PBRM1: variants seen among roughly 807,000 people sequenced by gnomAD.
PBRM1 encodes the protein protein polybromo-1.
In PBRM1, 27 loss-of-function variants were observed where a neutral mutation model predicts 194.5. The observed-to-expected ratio is 0.14, with a 90% CI of 0.10 to 0.19. The LOEUF is 0.19. Among genes scored for constraint, PBRM1 ranks in the 10% least tolerant of loss-of-function variants. The pLI, the probability that PBRM1 is intolerant of heterozygous loss-of-function variation, is 1.00. For missense variants in PBRM1, 1,466 were observed against 2,077.2 expected, an observed-to-expected ratio of 0.71 and a Z score of 5.72; for synonymous variants, 655 against 693.2, an observed-to-expected ratio of 0.94 and a Z score of 0.87.
rs145038851 is a variant in PBRM1 at position 52,663,248 on chromosome 3, CT to C, written c.385-973del. Among the ~76,000 whole-genome samples, 146 of 152,294 alleles carry C rather than the reference CT, an allele frequency of 9.6e-4. 1 individual carries two copies. Among genetic ancestry groups the C allele is most frequent in the African/African-American group, 3.4e-3 (140 of 41,578 alleles). Reference sequence around the variant, plus strand: ...AACCAAGCTTTCATTTCCAAGGCTTCTCTGGGCAGCGAGGAGGGAAGACAAA... The same window carrying C: ...AACCAAGCTTTCATTTCCAAGGCTTCCTGGGCAGCGAGGAGGGAAGACAAA... On this transcript the variant is annotated intron_variant, in intron 3 of 29. Transcript: ENST00000296302.
intron 5 of PBRM1, among the ~76,000 whole-genome samples, chr3:52,655,171 T>A (rs796684365): frequency 5.9e-5 from 9 of 152,282 alleles, no homozygotes; most frequent in African/African-American, 2.2e-4. Flanking sequence ...CAACTATCAC[T>A]GACATCCACC....
At chr3:52,630,261 A>G (rs1323709984) in intron 11 of PBRM1, among the ~76,000 whole-genome samples, 1 of 152,214 alleles carries the variant, frequency 6.6e-6, no homozygotes, top group Non-Finnish European at 1.5e-5. Flanking sequence ...AGAAGGTAGC[A>G]TATGGAGTCC....
chr3:52,627,286 C>T (rs2153578342), exon 13 of PBRM1: 1 of 1,599,998 alleles, frequency 6.3e-7, no homozygotes. Context: ...TTTCTTTTGG[C>T]ACTACCAGTA....
chr3:52,549,419 G>A (rs1043810264), intron 29 of PBRM1, among the ~76,000 whole-genome samples: 1 of 152,004 alleles, frequency 6.6e-6, no homozygotes, highest in Non-Finnish European at 1.5e-5. Context: ...GTCCACTTCA[G>A]CCTCCCAAAG....
chr3:52,632,756 T>C (rs960089811), intron 11 of PBRM1, among the ~76,000 whole-genome samples: 6 of 150,638 alleles, frequency 4.0e-5, no homozygotes, highest in Admixed American at 3.3e-4. Flanking sequence ...TGGTGCGACC[T>C]AGACTCACTG....
At chr3:52,642,281 T>C (rs1309202574) in intron 9 of PBRM1, among the ~76,000 whole-genome samples, 2 of 152,198 alleles carry the variant, frequency 1.3e-5, no homozygotes, top group Non-Finnish European at 1.5e-5. Context: ...TCACAGTTGC[T>C]GATAATTATC....
intron 16 of PBRM1, among the ~76,000 whole-genome samples, chr3:52,603,948 C>A (rs1326967411): frequency 6.6e-6 from 1 of 152,164 alleles, no homozygotes; most frequent in Non-Finnish European, 1.5e-5. Flanking sequence ...TACTTCAAGG[C>A]TCACTTCTTG....
At chr3:52,586,466 A>G (rs767093710) in exon 20 of PBRM1, 7 of 1,614,064 alleles carry the variant, frequency 4.3e-6, no homozygotes, top group Non-Finnish European at 5.9e-6. Context: ...CTGTCCTCTG[A>G]GTTGTCTGTA....
chr3:52,584,922 T>C (rs1291405780), intron 20 of PBRM1, among the ~76,000 whole-genome samples: 1 of 151,836 alleles, frequency 6.6e-6, no homozygotes. Context: ...CAAATATGAA[T>C]TTAAAAAAAA....
At chr3:52,611,047 T>C (rs1329150645) in intron 15 of PBRM1, among the ~76,000 whole-genome samples, 1 of 152,194 alleles carries the variant, frequency 6.6e-6, no homozygotes, top group Non-Finnish European at 1.5e-5. Flanking sequence ...CTGGTAGTTC[T>C]TAATAATACG....
chr3:52,643,834 T>C lies in PBRM1; in HGVS notation c.900-491A>G, dbSNP rs56245585. On this transcript the variant is annotated intron_variant, in intron 8 of 29. Coordinates refer to ENST00000296302, the Ensembl canonical transcript of PBRM1. ...AAAATACAAAAAGATTAGCCGGGCA[T>C]GGTGGTGTGTGCCTGAAGTCCCAGC... Among the ~76,000 whole-genome samples, 253 of 152,138 alleles carry C rather than the reference T, an allele frequency of 1.7e-3. 1 individual carries two copies. Among genetic ancestry groups the C allele is most frequent in the Non-Finnish European group, 1.4e-3 (98 of 67,990 alleles).
chr3:52,581,699 G>A (rs565398176), intron 20 of PBRM1, among the ~76,000 whole-genome samples: 6 of 150,834 alleles, frequency 4.0e-5, no homozygotes, highest in East Asian at 2.0e-4. Flanking sequence ...GTGCAGTGGC[G>A]CAATCCCGGC....
intron 17 of PBRM1, 27 bp downstream of exon 19, chr3:52,603,494 T>C: frequency 2.5e-6 from 4 of 1,577,622 alleles, no homozygotes; most frequent in Admixed American, 3.6e-5. Flanking sequence ...CATTTTTTCA[T>C]ATTCAATAAA....
At chr3:52,639,401 A>AT (rs1302875940) in intron 10 of PBRM1, among the ~76,000 whole-genome samples, 20 of 150,962 alleles carry the variant, frequency 1.3e-4, no homozygotes, top group Admixed American at 2.0e-4. Flanking sequence ...ATAACTTTTG[A>AT]TTTTATTGAT....
At chr3:52,569,063 C>CT (rs1049659680) in intron 22 of PBRM1, among the ~76,000 whole-genome samples, 6 of 151,908 alleles carry the variant, frequency 3.9e-5, no homozygotes, top group South Asian at 2.1e-4. Flanking sequence ...AATTTCTGTA[C>CT]TTTTTGTAGA....
intron 27 of PBRM1, among the ~76,000 whole-genome samples, chr3:52,554,309 G>A (rs537987866): frequency 2.0e-5 from 3 of 152,324 alleles, no homozygotes; most frequent in Non-Finnish European, 2.9e-5. Context: ...TGCACCAGAG[G>A]GAGAAATGCA....
intron 17 of PBRM1, among the ~76,000 whole-genome samples, chr3:52,599,635 C>G (rs2093841357): frequency 6.7e-6 from 1 of 148,910 alleles, no homozygotes; most frequent in Non-Finnish European, 1.5e-5. Context: ...CACAGTGACA[C>G]CCCGTCTCTA....
chr3:52,667,207 G>A (rs2096857085), intron 3 of PBRM1, among the ~76,000 whole-genome samples: 1 of 152,014 alleles, frequency 6.6e-6, no homozygotes, highest in Non-Finnish European at 1.5e-5. Flanking sequence ...AAAACTTTAA[G>A]AAAAGCATAC....
intron 5 of PBRM1, among the ~76,000 whole-genome samples, chr3:52,656,796 G>C (rs377393073): frequency 1.8e-4 from 28 of 152,174 alleles, no homozygotes; most frequent in African/African-American, 5.6e-4. Flanking sequence ...AGGCACGGTG[G>C]CACAAGCCTG....
Sources: allele counts gnomAD v4.1 joint callset (sites outside exome capture counted in the v4.1 genomes callset), GRCh38; gene constraint gnomAD v4.1.1; transcripts MANE v1.5; gene names NCBI Gene and HGNC (gene_info 2026-07-23, HGNC 2026-07-21).